TELO2: variants seen among roughly 807,000 people sequenced by gnomAD.
The protein encoded by TELO2 is telomere maintenance 2.
TELO2 carries 71 observed loss-of-function variants against 91.0 expected under a neutral mutation model. That is an observed-to-expected ratio of 0.78 (90% confidence interval 0.64 to 0.95). The LOEUF is 0.95. Ranked by LOEUF, TELO2 falls within the 40% of genes least tolerant of loss-of-function variation. The pLI is 0.00. For synonymous variants in TELO2, 584 were observed against 518.9 expected (o/e 1.13, Z -1.71); for missense variants, 1,183 against 1,141.3 (o/e 1.04, Z -0.53).
In TELO2 at chr16:1,497,454, TG is replaced by T; in HGVS notation, c.777del (p.Pro260ArgfsTer9). On this transcript the variant is annotated frameshift_variant, in exon 5 of 21. Transcript: ENST00000262319. LOFTEE classifies it high-confidence loss of function. This position sits in a 1 kb window ranked among gnomAD's most constrained non-coding sequence, Gnocchi z 4.0. ...GTCTGCTGGCGCCTGGTGGAGCAAGTGCCGGACCGGGCCATGGAGGCTGTGC... is the reference window on the plus strand; with the variant it reads ...GTCTGCTGGCGCCTGGTGGAGCAAGTCCGGACCGGGCCATGGAGGCTGTGC... The part of the protein sequence containing the change: ...QRVCWRLVEQ[V>X]PDRAMEAVLT... 1 of 1,572,006 alleles carries T rather than the reference TG, an allele frequency of 6.4e-7. No individual in the cohort carries two copies. The highest frequency in any genetic ancestry group is 8.6e-7 in the Non-Finnish European group (1 of 1,160,290).
intron 6 of TELO2, among the ~76,000 whole-genome samples, chr16:1,499,625 G>T (rs2039606036): frequency 6.6e-6 from 1 of 151,878 alleles, no homozygotes; most frequent in Admixed American, 6.5e-5. Context: ...GGTGGGTGGG[G>T]GATAGGTGAG....
chr16:1,494,562 G>GC lies in TELO2; in HGVS notation c.284dup (p.Ala96GlyfsTer184). ...CTGTGGGCCAGCTTCTTCCTGGAGGGCCCGGCGGACCAAGCCTTCCTGGTG... is the reference window on the plus strand; with the variant it reads ...CTGTGGGCCAGCTTCTTCCTGGAGGGCCCCGGCGGACCAAGCCTTCCTGGTG... On this transcript the variant is annotated frameshift_variant, in exon 2 of 21. Coordinates refer to ENST00000262319, the MANE Select transcript of TELO2 (RefSeq NM_016111.4). LOFTEE classifies it high-confidence loss of function. This position sits in a 1 kb window ranked among gnomAD's most constrained non-coding sequence, Gnocchi z 5.6. 6.2e-7 allele frequency: 1 copy of GC among 1,613,516 alleles called. No homozygotes were observed. The highest frequency in any genetic ancestry group is 8.5e-7 in the Non-Finnish European group (1 of 1,179,962).
chr16:1,508,406 C>T (rs2039986752), intron 20 of TELO2, among the ~76,000 whole-genome samples: 1 of 152,252 alleles, frequency 6.6e-6, no homozygotes, highest in South Asian at 2.1e-4. Context: ...GCTGGGATTA[C>T]AGGCGTGAGC....
chr16:1,509,372 G>A (rs1296665202), intron 20 of TELO2, among the ~76,000 whole-genome samples: 1 of 152,220 alleles, frequency 6.6e-6, no homozygotes, highest in Non-Finnish European at 1.5e-5. Context: ...GGCTGCAGGA[G>A]GCCTTGGTGA....
At chr16:1,501,854 G>A in intron 11 of TELO2, 81 bp downstream of exon 11, 2 of 1,492,844 alleles carry the variant, frequency 1.3e-6, no homozygotes, top group East Asian at 2.3e-5. Context: ...CGGCCCCGTG[G>A]GGGGCTCCCT....
intron 6 of TELO2, among the ~76,000 whole-genome samples, chr16:1,499,867 A>G (rs2039614410): frequency 6.6e-6 from 1 of 152,216 alleles, no homozygotes. Context: ...GAACCGTTTT[A>G]TCACGTTCAG....
chr16:1,499,423 C>A, intron 6 of TELO2, 90 bp downstream of exon 6: 1 of 1,391,830 alleles, frequency 7.2e-7, no homozygotes, highest in South Asian at 1.2e-5. Context: ...TGTCTGCTGC[C>A]TGGGAGACCC....
At chr16:1,506,859 G>T (rs1011465135) in intron 17 of TELO2, 93 bp from the exon 18 acceptor site, 14 of 1,460,922 alleles carry the variant, frequency 9.6e-6, no homozygotes, top group Non-Finnish European at 9.0e-6. Context: ...GAGGGGCTGT[G>T]TGGGGCTCCC....
intron 5 of TELO2, among the ~76,000 whole-genome samples, chr16:1,498,028 T>C (rs1447061640): frequency 6.6e-6 from 1 of 151,570 alleles, no homozygotes; most frequent in Non-Finnish European, 1.5e-5. Context: ...TTTTTTTTTT[T>C]CTTTTTGAGA....
At chr16:1,508,931 T>G (rs1448230700) in intron 20 of TELO2, among the ~76,000 whole-genome samples, 1 of 152,114 alleles carries the variant, frequency 6.6e-6, no homozygotes, top group African/African-American at 2.4e-5. Flanking sequence ...GGGCTTTGCT[T>G]CTTTCAAGGG....
Position 1,500,711 on chromosome 16 carries a change from G to T in TELO2, c.1281+12G>T, listed in dbSNP as rs766349967. On this transcript the variant is annotated intron_variant, in intron 9 of 20. Coordinates refer to ENST00000262319, the MANE Select transcript of TELO2 (RefSeq NM_016111.4). ...CCCTGAAATTCCAGGTGAGCGGGCCGTCCCCTCCGCGTCCCCGTGTGGCTG... is the reference window on the plus strand; with the variant it reads ...CCCTGAAATTCCAGGTGAGCGGGCCTTCCCCTCCGCGTCCCCGTGTGGCTG... 3 of 1,611,466 alleles carry T rather than the reference G, an allele frequency of 1.9e-6. No homozygotes were observed. The highest frequency in any genetic ancestry group is 1.7e-5 in the Admixed American group (1 of 59,938).
At chr16:1,499,169 G>T in intron 5 of TELO2, 62 bp from the exon 6 acceptor site, 1 of 1,569,468 alleles carries the variant, frequency 6.4e-7, no homozygotes, top group Non-Finnish European at 8.8e-7. Flanking sequence ...CGGAGTTCAC[G>T]CTCTCGCTCC....
chr16:1,499,143 C>A, intron 5 of TELO2, 88 bp from the exon 6 acceptor site: 3 of 1,385,398 alleles, frequency 2.2e-6, no homozygotes, highest in Admixed American at 3.5e-5. Context: ...GGAGTCAGGC[C>A]GCCGTCTGTG....
Position 1,507,733 on chromosome 16 carries a change from G to GGT in TELO2, c.2407+27_2407+28dup, listed in dbSNP as rs1567307541. 5 of 1,593,542 alleles carry GGT rather than the reference G, an allele frequency of 3.1e-6. No homozygotes were observed. Among genetic ancestry groups the GGT allele is most frequent in the East Asian group, 2.2e-5 (1 of 44,456 alleles). ...GGCTGGCGGGTGAGTGTCGGCCTGC[G>GGT]GTGTGTGTGTGAGATGTGTGTCGGC... On this transcript the variant is annotated intron_variant, in intron 20 of 20. Coordinates refer to ENST00000262319, the MANE Select transcript of TELO2 (RefSeq NM_016111.4).
rs752105226 is a variant in TELO2, at chr16:1,501,665, C to T, written c.1364C>T (p.Thr455Met). The T allele has an allele frequency of 1.1e-5, 17 of 1,606,742 alleles. No homozygotes were observed. The highest frequency in any genetic ancestry group is 4.4e-5 in the South Asian group (4 of 90,470). The change falls in exon 11 of 21, where the codon ACG becomes ATG. Residue 455 changes from threonine (T) to methionine (M), a missense_variant and splice_region_variant. Physicochemically the swap from Thr to Met is moderately conservative, Grantham distance 81 (BLOSUM62 -1). Transcript: ENST00000262319. ...PAGDGASEAGTSLVPATAEPP... is the reference protein window; with the variant it reads ...PAGDGASEAGMSLVPATAEPP... ...TTTTGTTCCTTGTTTCCTTAAAGCA[C>T]GTCCCTCGTTCCAGCCACGGCAGAG...
Position 1,499,228 on chromosome 16 carries a change from C to T in TELO2, c.831-3C>T, listed in dbSNP as rs1415820997. 1 of 1,613,820 alleles carries T rather than the reference C, an allele frequency of 6.2e-7. No homozygotes were observed. Among genetic ancestry groups the T allele is most frequent in the African/African-American group, 1.3e-5 (1 of 74,942 alleles). ...AGCTCTGGCCCCTGACTCTGTCTTGCAGGCCTGAGGTCCTTTCGAGACTGC... is the reference window on the plus strand; with the variant it reads ...AGCTCTGGCCCCTGACTCTGTCTTGTAGGCCTGAGGTCCTTTCGAGACTGC... On this transcript the variant is annotated splice_region_variant and splice_polypyrimidine_tract_variant and intron_variant, in intron 5 of 20. Transcript: ENST00000262319.
chr16:1,502,612 G>A lies in TELO2; in HGVS notation c.1654-33G>A, dbSNP rs201414674. 6.2e-4 allele frequency: 993 copies of A among 1,600,714 alleles called. 15 individuals carry two copies. The South Asian group carries it at 0.01, about 17-fold the overall frequency. ...GAGGCCTCGGCGGGCAGCTGGGTCC[G>A]ACAGGTTTCCCAGCCCTAACCCCTG... On this transcript the variant is annotated intron_variant, in intron 13 of 20. Coordinates refer to ENST00000262319, the MANE Select transcript of TELO2 (RefSeq NM_016111.4).
At chr16:1,498,092 G>C (rs909706559) in intron 5 of TELO2, among the ~76,000 whole-genome samples, 5 of 150,116 alleles carry the variant, frequency 3.3e-5, no homozygotes, top group Non-Finnish European at 7.4e-5. Flanking sequence ...TCGGCTCACT[G>C]CAACCTCCGT....
intron 2 of TELO2, among the ~76,000 whole-genome samples, chr16:1,495,047 T>A (rs1334813010): frequency 6.6e-6 from 1 of 152,180 alleles, no homozygotes; most frequent in Admixed American, 6.5e-5. Flanking sequence ...GAAGCTGGGT[T>A]TTCAGAGGTT....
Sources: gnomAD v4.1 joint callset for allele counts (sites outside exome capture counted in the v4.1 genomes callset) on GRCh38, gnomAD v4.1.1 for gene constraint, Gnocchi (gnomAD v3.1) non-coding constraint, MANE v1.5 for transcripts, NCBI Gene and HGNC (gene_info 2026-07-23, HGNC 2026-07-21) for gene names.